HCFC2: variants seen among roughly 807,000 people sequenced by gnomAD.
HCFC2 encodes the protein host cell factor 2.
HCFC2 carries 18 observed loss-of-function variants against 89.2 expected under a neutral mutation model. The ratio of observed to expected loss-of-function variants is 0.20; its 90% confidence interval spans 0.14 to 0.30. The LOEUF (loss-of-function observed/expected upper bound fraction) is 0.30. Among genes scored for constraint, HCFC2 ranks in the 10% least tolerant of loss-of-function variants. HCFC2 has a pLI of 1.00. For synonymous variants in HCFC2, 308 were observed against 335.7 expected, an observed-to-expected ratio of 0.92 and a Z score of 0.90; for missense variants, 578 against 956.1, an observed-to-expected ratio of 0.60 and a Z score of 5.21.
In HCFC2 at chr12:104,068,988, T is replaced by C. The variant is rs1269003416; in HGVS notation, c.473+881T>C. Among the ~76,000 whole-genome samples, 8 of 152,056 alleles carry C rather than the reference T, an allele frequency of 5.3e-5. No homozygotes were observed. The highest frequency in any genetic ancestry group is 1.9e-4 in the African/African-American group (8 of 41,348). ...ATCCGTCATTTCATATAGTTACCCA[T>C]TTTTTTCTGCCTGGGGCATGAGCAG... is the stretch of plus-strand genomic sequence containing the variant. On this transcript the variant is annotated intron_variant, in intron 3 of 14. Transcript: ENST00000229330. This position sits in a 1 kb window ranked among gnomAD's most constrained non-coding sequence, Gnocchi z 4.1.
chr12:104,079,347 T>C (rs1257928826), intron 3 of HCFC2, 98 bp from the exon 4 acceptor site: 1 of 999,096 alleles, frequency 1.0e-6, no homozygotes, highest in East Asian at 2.6e-5. Context: ...TATATGAACT[T>C]TTCACAGTAA....
intron 7 of HCFC2, among the ~76,000 whole-genome samples, chr12:104,085,995 A>ATTT (rs774649121): frequency 6.4e-5 from 7 of 109,336 alleles, no homozygotes; most frequent in South Asian, 2.9e-4. Context: ...TCCTCCCACC[A>ATTT]TTTTTTTTTT....
In HCFC2 at chr12:104,095,783, T is replaced by C. The variant is rs1214834384; in HGVS notation, c.1666+220T>C. Among the ~76,000 whole-genome samples, 4 of 152,204 alleles carry C rather than the reference T, an allele frequency of 2.6e-5. No individual in the cohort carries two copies. Among genetic ancestry groups the C allele is most frequent in the African/African-American group, 9.6e-5 (4 of 41,464 alleles). Reference sequence around the variant, plus strand: ...TTGTTTTCTTTCTATCATGACTTTATGGATTTTGACCATATATTTACCTTT... The same window carrying C: ...TTGTTTTCTTTCTATCATGACTTTACGGATTTTGACCATATATTTACCTTT... On this transcript the variant is annotated intron_variant, in intron 11 of 14. Transcript: ENST00000229330. The surrounding 1 kb of genome is among the most constrained non-coding windows in gnomAD (Gnocchi z 4.2).
At chr12:104,097,446 G>A (rs1276356168) in intron 12 of HCFC2, among the ~76,000 whole-genome samples, 2 of 151,874 alleles carry the variant, frequency 1.3e-5, no homozygotes, top group South Asian at 2.1e-4. Flanking sequence ...AAAAGTTGTT[G>A]AAGAGAGTTT....
chr12:104,102,174 T>C (rs2029960586), intron 14 of HCFC2, 21 bp downstream of exon 14: 2 of 1,588,612 alleles, frequency 1.3e-6, no homozygotes, highest in Non-Finnish European at 1.7e-6. Flanking sequence ...GGGTCAAGAC[T>C]TGTTGGTGAT....
chr12:104,102,879 C>G (rs1434283448), intron 14 of HCFC2, 80 bp from the exon 15 acceptor site: 5 of 1,168,030 alleles, frequency 4.3e-6, no homozygotes, highest in African/African-American at 1.5e-5. Context: ...ATTTTGTATT[C>G]TAAAGATAGA....
Position 104,079,516 on chromosome 12 carries a change from C to T in HCFC2, c.545C>T (p.Thr182Ile). The change falls in exon 4 of 15, where the codon ACT becomes ATT. Residue 182 changes from threonine (T) to isoleucine (I), a missense_variant. Physicochemically the swap from Thr to Ile is moderately conservative, Grantham distance 89 (BLOSUM62 -1). Transcript: ENST00000229330. ...GTTGTGGGTTGGAGCATTCCAGTGA[C>T]TAAAGGGGTTGTGCCTTCTCCAAGA... ...SGVVGWSIPV[T>I]KGVVPSPRES... The T allele has an allele frequency of 6.2e-7, 1 of 1,614,016 alleles. No individual in the cohort carries two copies.
At chr12:104,083,736 A>G (rs1238787566) in intron 7 of HCFC2, among the ~76,000 whole-genome samples, 1 of 152,196 alleles carries the variant, frequency 6.6e-6, no homozygotes, top group Admixed American at 6.5e-5. Context: ...TTAAAAAAAT[A>G]TATTAGAGGC....
At chr12:104,077,068 G>A (rs1466703781) in intron 3 of HCFC2, among the ~76,000 whole-genome samples, 1 of 152,080 alleles carries the variant, frequency 6.6e-6, no homozygotes, top group Non-Finnish European at 1.5e-5. Context: ...TGAACTGTCA[G>A]TTTATATCTT....
chr12:104,069,876 T>C (rs1347132539), intron 3 of HCFC2, among the ~76,000 whole-genome samples: 1 of 152,052 alleles, frequency 6.6e-6, no homozygotes, highest in Non-Finnish European at 1.5e-5. Context: ...TATGCCCTGG[T>C]GTGTGATGTT....
At chr12:104,076,379 T>C (rs1188914749) in intron 3 of HCFC2, among the ~76,000 whole-genome samples, 2 of 152,236 alleles carry the variant, frequency 1.3e-5, no homozygotes, top group African/African-American at 4.8e-5. Context: ...TGTGGATCTG[T>C]GTTTTGTTTC....
Position 104,064,596 on chromosome 12 carries a change from T to C in HCFC2, c.36T>C (p.Val12=). ...AAPSLLNWRR[V]SSFTGPVPRA... ...CCAGCCTCCTCAACTGGAGGCGAGTTTCTTCCTTCACGGGGCCGGTCCCCC... is the reference window on the plus strand; with the variant it reads ...CCAGCCTCCTCAACTGGAGGCGAGTCTCTTCCTTCACGGGGCCGGTCCCCC... Residue 12 remains valine, a synonymous_variant, in exon 1 of 15, where the codon GTT becomes GTC. Coordinates refer to ENST00000229330, the MANE Select transcript of HCFC2 (RefSeq NM_013320.3). The surrounding 1 kb of genome is among the most constrained non-coding windows in gnomAD (Gnocchi z 7.3). 2 of 1,571,308 alleles carry C rather than the reference T, an allele frequency of 1.3e-6. No homozygotes were observed. Among genetic ancestry groups the C allele is most frequent in the African/African-American group, 2.8e-5 (2 of 71,460 alleles).
chr12:104,081,565 T>C (rs887445080), intron 5 of HCFC2, among the ~76,000 whole-genome samples: 2 of 151,912 alleles, frequency 1.3e-5, no homozygotes, highest in African/African-American at 4.8e-5. Flanking sequence ...TTAAATGTAA[T>C]AGTTTAGGAA....
At chr12:104,091,157 G>A (rs1031189924) in intron 9 of HCFC2, among the ~76,000 whole-genome samples, 1 of 152,146 alleles carries the variant, frequency 6.6e-6, no homozygotes, top group Non-Finnish European at 1.5e-5. Flanking sequence ...CCTCATACTT[G>A]TATCACTTGA....
chr12:104,069,630 C>A (rs1252533888), intron 3 of HCFC2, among the ~76,000 whole-genome samples: 1 of 151,064 alleles, frequency 6.6e-6, no homozygotes, highest in Non-Finnish European at 1.5e-5. Flanking sequence ...CATGCTGTGG[C>A]AAATGGTAGT....
At chr12:104,085,744 G>A (rs1035881448) in intron 7 of HCFC2, among the ~76,000 whole-genome samples, 1 of 143,126 alleles carries the variant, frequency 7.0e-6, no homozygotes, top group African/African-American at 2.6e-5. Flanking sequence ...CTTTGCATTT[G>A]ATAGCATGTA....
At chr12:104,086,523 C>T (rs1883849585) in intron 7 of HCFC2, among the ~76,000 whole-genome samples, 1 of 151,850 alleles carries the variant, frequency 6.6e-6, no homozygotes, top group South Asian at 2.1e-4. Flanking sequence ...CCCAGAAAAA[C>T]TCCTTCTAGG....
chr12:104,092,564 G>T (rs1884052070), intron 9 of HCFC2, among the ~76,000 whole-genome samples: 1 of 152,164 alleles, frequency 6.6e-6, no homozygotes, highest in African/African-American at 2.4e-5. Flanking sequence ...CCTGAGGTCA[G>T]GAGTTCAAGA....
chr12:104,094,620 T>A (rs1440093475), intron 10 of HCFC2, among the ~76,000 whole-genome samples: 2 of 152,178 alleles, frequency 1.3e-5, no homozygotes, highest in Non-Finnish European at 2.9e-5. Context: ...AAATATCCCC[T>A]AGAAATCATT....
Sources: gnomAD v4.1 joint callset for allele counts (sites outside exome capture counted in the v4.1 genomes callset) on GRCh38, gnomAD v4.1.1 for gene constraint, Gnocchi (gnomAD v3.1) non-coding constraint, MANE v1.5 for transcripts, NCBI Gene and HGNC (gene_info 2026-07-23, HGNC 2026-07-21) for gene names.